Variants in TBX22 observed in about 807,000 individuals in gnomAD.
TBX22 encodes the protein T-box transcription factor 22.
TBX22 carries 8 observed loss-of-function variants against 30.1 expected under a neutral mutation model. The ratio of observed to expected loss-of-function variants is 0.27; its 90% CI spans 0.16 to 0.48. TBX22 has a LOEUF of 0.48. TBX22 is among the 20% of genes least tolerant of loss of function. The pLI is 0.99. For synonymous variants in TBX22, 173 were observed against 149.1 expected, an observed-to-expected ratio of 1.16 and a Z score of -1.17; for missense variants, 463 against 400.5, an observed-to-expected ratio of 1.16 and a Z score of -1.33.
intron 4 of TBX22, among the ~76,000 whole-genome samples, chrX:80,024,547 C>T (rs1923880639): frequency 9.0e-6 from 1 of 110,885 alleles, no homozygotes; most frequent in Non-Finnish European, 1.9e-5. Context: ...TCCCCAGGCT[C>T]TATGGGAGCC....
Position 80,031,722 on chromosome X carries a change from A to C in TBX22, c.*611A>C, listed in dbSNP as rs2147610069. 8.9e-6 allele frequency: 1 copy of C among 112,036 alleles called. No homozygotes were observed. The highest frequency in any genetic ancestry group is 3.2e-5 in the African/African-American group (1 of 31,009). The allele number at this position is 112,036 out of a possible 1,213,427, so 9.2% of individuals were successfully genotyped here. On this transcript the variant is annotated 3_prime_UTR_variant, in exon 9 of 9. Coordinates refer to ENST00000373296, the MANE Select transcript of TBX22 (RefSeq NM_001109878.2). The stretch of plus-strand genomic sequence containing the variant: ...ACCATTTAATCTTGAAGGAACACAA[A>C]GATCAAATGAAAAGTAAAACACTCT...
intron 1 of TBX22, among the ~76,000 whole-genome samples, chrX:80,018,312 AT>A (rs757775456): frequency 9.8e-5 from 11 of 112,344 alleles, no homozygotes; most frequent in Non-Finnish European, 1.1e-4. Flanking sequence ...CCAAAGATAT[AT>A]TTCCAAGGAT....
intron 1 of TBX22, among the ~76,000 whole-genome samples, chrX:80,018,768 T>A (rs912612679): frequency 2.7e-5 from 3 of 111,894 alleles, no homozygotes; most frequent in African/African-American, 9.7e-5. Flanking sequence ...GATAGGAGTG[T>A]TAGAAATAAT....
chrX:80,030,666 A>G lies in TBX22; in HGVS notation c.1118A>G (p.Tyr373Cys), dbSNP rs775706886. 1 of 1,211,734 alleles carries G rather than the reference A, an allele frequency of 8.3e-7. No homozygotes were observed. Among genetic ancestry groups the G allele is most frequent in the Non-Finnish European group, 1.1e-6 (1 of 895,434 alleles). The change falls in exon 9 of 9, where the codon TAC (tyrosine) becomes TGC (cysteine). Residue 373 changes from tyrosine to cysteine, a missense_variant. Physicochemically the swap from Tyr to Cys is radical, Grantham distance 194. Transcript: ENST00000373296. ...CCCAATGTCAACCTGCCTCTATGCT[A>G]CAAGATTTGTCCAACTAATTTTTGG... is the stretch of plus-strand genomic sequence containing the variant. ...YLPNVNLPLCYKICPTNFWQQ... is the reference protein window; with the variant it reads ...YLPNVNLPLCCKICPTNFWQQ...
Position 80,024,091 on chromosome X carries a change from G to T in TBX22, c.385G>T (p.Val129Leu). The T allele has an allele frequency of 8.3e-7, 1 of 1,211,449 alleles. No individual in the cohort carries two copies. Residue 129 changes from valine (V) to leucine (L), a missense_variant, in exon 4 of 9, where the codon GTG becomes TTG. Transcript: ENST00000373296. ...GATGTTCCCCTCTGTTCGGGTCAAG[G>T]TGAAAGGGTTGGATCCAGGGAAGCA... ...RRMFPSVRVKVKGLDPGKQYH... is the reference protein window; with the variant it reads ...RRMFPSVRVKLKGLDPGKQYH...
intron 3 of TBX22, 25 bp from the exon 4 acceptor site, chrX:80,024,038 T>C (rs1255707350): frequency 1.7e-6 from 2 of 1,186,270 alleles, no homozygotes; most frequent in Non-Finnish European, 2.3e-6. Context: ...AGCTCTTGGG[T>C]CAGTCCTTAT....
chrX:80,015,973 T>A (rs1249413832), intron 1 of TBX22, among the ~76,000 whole-genome samples: 1 of 111,683 alleles, frequency 9.0e-6, no homozygotes, highest in South Asian at 3.7e-4. Context: ...AGGAAGACAG[T>A]GTATGAAAGA....
Position 80,023,057 on chromosome X carries a change from C to G in TBX22, c.176-3C>G. The G allele has an allele frequency of 1.7e-6, 2 of 1,211,070 alleles. No individual in the cohort carries two copies. The highest frequency in any genetic ancestry group is 2.2e-6 in the Non-Finnish European group (2 of 895,165). ...ACCCTGAGCGCCTTTCTGTGTCCAG[C>G]AGAAAAACAACCTAAGACAGAGCCC... On this transcript the variant is annotated splice_polypyrimidine_tract_variant and splice_region_variant and intron_variant, in intron 2 of 8. Coordinates refer to ENST00000373296, the MANE Select transcript of TBX22 (RefSeq NM_001109878.2).
chrX:80,031,310 G>A lies in TBX22; in HGVS notation c.*199G>A, dbSNP rs1924244976. On this transcript the variant is annotated 3_prime_UTR_variant, in exon 9 of 9. Coordinates refer to ENST00000373296, the MANE Select transcript of TBX22 (RefSeq NM_001109878.2). ...TTATAATGTCAAATGAAACCTACAG[G>A]AATCTCTGATTACAGTGGCCTTGAG... is the stretch of plus-strand genomic sequence containing the variant. 4 of 434,395 alleles carry A rather than the reference G, an allele frequency of 9.2e-6. No individual in the cohort carries two copies. Among genetic ancestry groups the A allele is most frequent in the East Asian group, 3.8e-5 (1 of 26,100 alleles). The allele number at this position is 434,395 out of a possible 1,213,427, so 35.8% of individuals were successfully genotyped here.
intron 1 of TBX22, among the ~76,000 whole-genome samples, chrX:80,019,046 TAGA>T (rs1000993689): frequency 1.9e-4 from 21 of 111,965 alleles, no homozygotes; most frequent in African/African-American, 6.5e-4. Context: ...GAAAGAAAAC[TAGA>T]AGAAGAAAGT....
intron 1 of TBX22, 63 bp from the exon 2 acceptor site, chrX:80,022,205 C>A: frequency 9.0e-7 from 1 of 1,116,470 alleles, no homozygotes; most frequent in Non-Finnish European, 1.2e-6. Flanking sequence ...TGTGTCTCCC[C>A]CTCCCTCCCT....
At chrX:80,024,001 A>ACACT in intron 3 of TBX22, 62 bp from the exon 4 acceptor site, 1 of 1,082,191 alleles carries the variant, frequency 9.2e-7, no homozygotes, top group Non-Finnish European at 1.3e-6. Context: ...TTGTCCAGAA[A>ACACT]CACTCCCTCT....
At position 80,014,900 on chromosome X, in the gene TBX22, G is replaced by A. The variant is rs1271521675; in HGVS notation, c.-3+13G>A. ...TCTTGCCTTCCAGGTAAATACCTCTGCCTTACTGACCATGTTATGGGTTTT... is the reference window on the plus strand; with the variant it reads ...TCTTGCCTTCCAGGTAAATACCTCTACCTTACTGACCATGTTATGGGTTTT... On this transcript the variant is annotated intron_variant, in intron 1 of 8. Transcript: ENST00000373296. 1 of 112,033 alleles carries A rather than the reference G, an allele frequency of 8.9e-6. No homozygotes were observed. The highest frequency in any genetic ancestry group is 3.2e-5 in the African/African-American group (1 of 30,820). The allele number at this position is 112,033 out of a possible 1,213,427, so 9.2% of individuals were successfully genotyped here. A position where few individuals can be genotyped will look rare whatever the true frequency, so the allele number is the denominator to read the frequency against.
At chrX:80,025,908 C>A in intron 5 of TBX22, 131 bp downstream of exon 5, 1 of 546,163 alleles carries the variant, frequency 1.8e-6, no homozygotes, top group Non-Finnish European at 3.0e-6. Flanking sequence ...TCAAGCCCTG[C>A]ACCTGTAAGT....
At chrX:80,019,535 C>T (rs749447857) in intron 1 of TBX22, among the ~76,000 whole-genome samples, 1 of 111,485 alleles carries the variant, frequency 9.0e-6, no homozygotes, top group Non-Finnish European at 1.9e-5. Flanking sequence ...GTTGAAGAGT[C>T]TCTTATAAAG....
chrX:80,030,047 C>T (rs195290), intron 8 of TBX22, among the ~76,000 whole-genome samples: 10,153 of 111,103 alleles, frequency 0.091, 1,162 homozygotes, highest in African/African-American at 0.32. Flanking sequence ...GGGATGGTTT[C>T]GGGATGAAAC....
chrX:80,023,443 T>C lies in TBX22; in HGVS notation c.356+203T>C, dbSNP rs892804036. On this transcript the variant is annotated intron_variant, in intron 3 of 8. Coordinates refer to ENST00000373296, the MANE Select transcript of TBX22 (RefSeq NM_001109878.2). ...TGGCCCCATGTAAGTGGCTCATTCT[T>C]CCTTTCCTGTACACTGTGACTCCAA... 4 of 441,254 alleles carry C rather than the reference T, an allele frequency of 9.1e-6. No individual in the cohort carries two copies. In the East Asian group the frequency reaches 1.5e-4, roughly 17 times the overall value. The allele number at this position is 441,254 out of a possible 1,213,427, so 36.4% of individuals were successfully genotyped here. A position where few individuals can be genotyped will look rare whatever the true frequency, so the allele number is the denominator to read the frequency against.
intron 1 of TBX22, among the ~76,000 whole-genome samples, chrX:80,020,393 C>A (rs762353802): frequency 7.6e-4 from 85 of 111,525 alleles, no homozygotes; most frequent in Admixed American, 2.1e-3. Flanking sequence ...ACTCTCCCCC[C>A]ACTTTAATGG....
rs200060292 is a variant in TBX22, at chrX:80,025,598, T to A, written c.459-5T>A. 358 of 1,204,932 alleles carry A rather than the reference T, an allele frequency of 3.0e-4. No individual in the cohort carries two copies. The Middle Eastern group carries it at 5.0e-3, about 17-fold the overall frequency. ...CACCTAATGCCACAGCATGTGTTTT[T>A]TCAGGTACGTCTATCACAGCTCACA... On this transcript the variant is annotated splice_polypyrimidine_tract_variant and splice_region_variant and intron_variant, in intron 4 of 8. Coordinates refer to ENST00000373296, the MANE Select transcript of TBX22 (RefSeq NM_001109878.2).
Sources: allele counts gnomAD v4.1 joint callset (sites outside exome capture counted in the v4.1 genomes callset), GRCh38; gene constraint gnomAD v4.1.1; transcripts MANE v1.5; gene names NCBI Gene and HGNC (gene_info 2026-07-23, HGNC 2026-07-21).